Variants in BTD observed in about 807,000 individuals in gnomAD.
The protein encoded by BTD is biotinidase.
BTD carries 13 observed loss-of-function variants against 17.7 expected under a neutral mutation model. The ratio of observed to expected loss-of-function variants is 0.74; its 90% CI spans 0.48 to 1.17. The LOEUF (loss-of-function observed/expected upper bound fraction) is 1.17, where lower values mean the gene tolerates loss of function less well. Ranked by LOEUF, BTD falls within the 50% of genes most tolerant of loss-of-function variation. The pLI, the probability that BTD is intolerant of heterozygous loss-of-function variation, is 0.00. For synonymous variants in BTD, 240 were observed against 245.2 expected (o/e 0.98, Z 0.20); for missense variants, 674 against 650.4 (o/e 1.04, Z -0.39).
rs376739040 is a variant in BTD, at chr3:15,627,706, G to T, written c.-16-7718G>T. Among the ~76,000 whole-genome samples, 28 of 152,158 alleles carry T rather than the reference G, an allele frequency of 1.8e-4. 1 individual carries two copies. In the South Asian group the frequency reaches 5.6e-3, roughly 30 times the overall value. On this transcript the variant is annotated intron_variant, in intron 1 of 3. Transcript: ENST00000643237. ...GTGTTTCTAGCCTATCCTATTAAGGGTTATTCTTTTGTTTTGTTTTGTTTT... is the reference window on the plus strand; with the variant it reads ...GTGTTTCTAGCCTATCCTATTAAGGTTTATTCTTTTGTTTTGTTTTGTTTT...
intron 1 of BTD, among the ~76,000 whole-genome samples, chr3:15,619,663 T>C (rs1021883553): frequency 2.0e-5 from 3 of 152,240 alleles, no homozygotes; most frequent in Non-Finnish European, 4.4e-5. Flanking sequence ...TTATTGCATC[T>C]ATATTTATGA....
intron 1 of BTD, among the ~76,000 whole-genome samples, chr3:15,634,999 C>T (rs1188389262): frequency 7.1e-6 from 1 of 140,114 alleles, no homozygotes; most frequent in Non-Finnish European, 1.5e-5. Flanking sequence ...ACAGACATTA[C>T]GGATGGCTGA....
At chr3:15,709,082 C>T (rs974242530) in intron 3 of BTD, among the ~76,000 whole-genome samples, 2 of 152,160 alleles carry the variant, frequency 1.3e-5, no homozygotes, top group Admixed American at 1.3e-4. Context: ...ACCACAAATA[C>T]TCAACAATGA....
In BTD at chr3:15,601,843, A is replaced by C; in HGVS notation, c.-68A>C. ...CAGCTGGAGCGTTTTCGGGGCTGTA[A>C]AGGGAGAATGGCGCATGCGCATATT... On this transcript the variant is annotated 5_prime_UTR_variant, in exon 1 of 4. Transcript: ENST00000643237. The C allele has an allele frequency of 6.2e-7, 1 of 1,614,162 alleles. No homozygotes were observed. The highest frequency in any genetic ancestry group is 8.5e-7 in the Non-Finnish European group (1 of 1,180,030).
At position 15,648,511 on chromosome 3, in the gene BTD, A is replaced by G. The variant is rs2065744021; in HGVS notation, c.*3023A>G. Among the ~76,000 whole-genome samples the G allele has an allele frequency of 6.6e-6, 1 of 152,212 alleles. No individual in the cohort carries two copies. The highest frequency in any genetic ancestry group is 1.9e-4 in the East Asian group (1 of 5,200). ...TTAATGGCATAAAACAAGCATGGACATTGTTAGTTCACCCAGTTCTGTGGG... is the reference window on the plus strand; with the variant it reads ...TTAATGGCATAAAACAAGCATGGACGTTGTTAGTTCACCCAGTTCTGTGGG... On this transcript the variant is annotated 3_prime_UTR_variant, in exon 4 of 4. Transcript: ENST00000643237.
chr3:15,702,393 A>G (rs1011537961), intron 3 of BTD, among the ~76,000 whole-genome samples: 1 of 152,230 alleles, frequency 6.6e-6, no homozygotes, highest in African/African-American at 2.4e-5. Flanking sequence ...CTGTTTGCAC[A>G]TTAACACATG....
At chr3:15,663,977 C>T (rs572447938) in intron 3 of BTD, among the ~76,000 whole-genome samples, 100 of 152,316 alleles carry the variant, frequency 6.6e-4, no homozygotes, top group African/African-American at 2.3e-3. Context: ...TCTCAGCTCA[C>T]GGCAACCTCC....
At position 15,644,599 on chromosome 3, in the gene BTD, T is replaced by C. The variant is rs397514382; in HGVS notation, c.683T>C (p.Ile228Thr). 6 of 1,614,116 alleles carry C rather than the reference T, an allele frequency of 3.7e-6. No individual in the cohort carries two copies. In the Admixed American group the frequency reaches 6.7e-5, roughly 18 times the overall value. ...GRFGIFTCFD[I>T]LFFDPAIRVL... ...TTTGGCATCTTCACATGCTTTGATA[T>C]ATTGTTCTTTGACCCTGCCATCAGA... Residue 228 changes from isoleucine to threonine, a missense_variant, in exon 4 of 4, where the codon ATA becomes ACA. Physicochemically the swap from Ile to Thr is moderately conservative, Grantham distance 89 (BLOSUM62 -1). Transcript: ENST00000643237.
rs567500613 is a variant in BTD at position 15,670,967 on chromosome 3, T to A, written c.399+28910T>A. Among the ~76,000 whole-genome samples the A allele has an allele frequency of 2.5e-3, 383 of 152,322 alleles. 4 individuals are homozygous for A. Among genetic ancestry groups the A allele is most frequent in the South Asian group, 0.018 (88 of 4,828 alleles). ...GTCAAGGTAAGAAAAAATAAAAAAA[T>A]TTAATTTGTAGTTATGTAAGGAAAC... On this transcript the variant is annotated intron_variant, in intron 3 of 3. Transcript: ENST00000672141.
chr3:15,601,382 C>T (rs1041771993), upstream of BTD: 4 of 1,614,050 alleles, frequency 2.5e-6, no homozygotes, highest in African/African-American at 1.3e-5. Flanking sequence ...GTCCATCGTA[C>T]TTGCGTTTTC....
At chr3:15,620,341 C>T (rs1424310804) in intron 1 of BTD, among the ~76,000 whole-genome samples, 1 of 152,136 alleles carries the variant, frequency 6.6e-6, no homozygotes, top group East Asian at 1.9e-4. Context: ...GAGCGCATTC[C>T]TTTCCCAGGG....
At chr3:15,718,290 T>C (rs78720617) in intron 4 of BTD, among the ~76,000 whole-genome samples, 3,719 of 152,310 alleles carry the variant, frequency 0.024, 154 homozygotes, top group African/African-American at 0.083. Flanking sequence ...GAAGTTAAGA[T>C]GACTTTCGTG....
chr3:15,714,496 T>C, downstream of BTD: 3 of 964,534 alleles, frequency 3.1e-6, no homozygotes, highest in Non-Finnish European at 4.5e-6. Context: ...AATTCCTCAA[T>C]ACCATTCATT....
chr3:15,697,807 T>A (rs1331989195), intron 3 of BTD, among the ~76,000 whole-genome samples: 2 of 152,212 alleles, frequency 1.3e-5, no homozygotes, highest in East Asian at 3.8e-4. Context: ...GAAGGAATGG[T>A]ACCAGCTCCT....
intron 3 of BTD, chr3:15,686,347 T>A: frequency 7.0e-7 from 1 of 1,436,520 alleles, no homozygotes; most frequent in East Asian, 2.5e-5. Context: ...TAATTACATA[T>A]AATGATAAAA....
chr3:15,694,416 G>A (rs545282145), intron 3 of BTD, among the ~76,000 whole-genome samples: 3 of 151,988 alleles, frequency 2.0e-5, no homozygotes, highest in Admixed American at 6.6e-5. Flanking sequence ...ATTCCACTAG[G>A]GCAGCACATT....
chr3:15,714,645 C>T (rs1358446093), downstream of BTD: 1 of 1,593,210 alleles, frequency 6.3e-7, no homozygotes. Flanking sequence ...GTGGGGTTTT[C>T]CCATCTTTAC....
chr3:15,665,055 T>A (rs914318301), intron 3 of BTD, among the ~76,000 whole-genome samples: 2 of 152,188 alleles, frequency 1.3e-5, no homozygotes, highest in Admixed American at 1.3e-4. Flanking sequence ...TCTTTTCTAA[T>A]TAAGCTAGTA....
chr3:15,608,743 C>T (rs199972348), intron 1 of BTD, among the ~76,000 whole-genome samples: 480 of 146,642 alleles, frequency 3.3e-3, no homozygotes, highest in Middle Eastern at 0.021. Context: ...TCCAGCCTGG[C>T]GACAGAGCGA....
Sources: gnomAD v4.1 joint callset for allele counts (sites outside exome capture counted in the v4.1 genomes callset) on GRCh38, gnomAD v4.1.1 for gene constraint, MANE v1.5 for transcripts, NCBI Gene and HGNC (gene_info 2026-07-23, HGNC 2026-07-21) for gene names.